Variants in NPAT observed in about 807,000 individuals in gnomAD.
NPAT encodes the protein nuclear protein, coactivator of histone transcription, also known as protein NPAT.
Under a neutral mutation model 130.7 loss-of-function variants are expected in NPAT, and 52 were observed. The observed-to-expected ratio is 0.40, with a 90% CI of 0.32 to 0.50. NPAT has a LOEUF of 0.50. Among genes scored for constraint, NPAT ranks in the 20% least tolerant of loss-of-function variants. NPAT has a pLI of 0.68. For synonymous variants in NPAT, 580 were observed against 584.8 expected (o/e 0.99, Z 0.12); for missense variants, 1,687 against 1,662.6 (o/e 1.01, Z -0.26).
At chr11:108,196,777 T>C (rs552675666) in intron 2 of NPAT, among the ~76,000 whole-genome samples, 3 of 152,362 alleles carry the variant, frequency 2.0e-5, no homozygotes, top group South Asian at 2.1e-4. Context: ...TGCTTAACTT[T>C]AGTTTTGCAT....
At position 108,192,103 on chromosome 11, in the gene NPAT, C is replaced by CTA. The variant is rs1290322157; in HGVS notation, c.290+13_290+14dup. On this transcript the variant is annotated intron_variant, in intron 4 of 17. Transcript: ENST00000278612. ...GCATTCCAAAATCATTAGGCACATT[C>CTA]TAATAGCTTATTACCTGATCTGAGA... 3.2e-6 allele frequency: 5 copies of CTA among 1,547,354 alleles called. No individual in the cohort carries two copies. The highest frequency in any genetic ancestry group is 4.5e-6 in the Non-Finnish European group (5 of 1,119,238).
chr11:108,160,043 CAG>C (rs1185329981), intron 17 of NPAT, among the ~76,000 whole-genome samples: 1 of 151,232 alleles, frequency 6.6e-6, no homozygotes, highest in Non-Finnish European at 1.5e-5. Context: ...CCCAGCTACT[CAG>C]GGGGCTGAGG....
chr11:108,202,476 C>T (rs2078283604), intron 1 of NPAT, among the ~76,000 whole-genome samples: 1 of 151,552 alleles, frequency 6.6e-6, no homozygotes, highest in African/African-American at 2.4e-5. Context: ...CACCTTTCAG[C>T]CCTCGGGATG....
At position 108,186,482 on chromosome 11, in the gene NPAT, T is replaced by G. The variant is rs1237838062; in HGVS notation, c.726A>C (p.Lys242Asn). The G allele has an allele frequency of 1.2e-6, 2 of 1,613,442 alleles. No homozygotes were observed. ...TGCAAAGTTTGGCAGAGTCACTTAC[T>G]TTTTCTACTGCAAAAGCGTTTGGAT... ...FQDPNAFAVEKQMVIENAREK... is the reference protein window; with the variant it reads ...FQDPNAFAVENQMVIENAREK... The change falls in exon 8 of 18, where the codon AAA becomes AAC. Residue 242 changes from lysine (K) to asparagine (N), a missense_variant and splice_region_variant. This residue lies in a region of NPAT where 307 missense variants were observed against 298.9 expected (regional missense o/e 1.03). Coordinates refer to ENST00000278612, the MANE Select transcript of NPAT (RefSeq NM_002519.3).
chr11:108,208,556 C>T (rs1203157890), intron 1 of NPAT: 5 of 418,266 alleles, frequency 1.2e-5, no homozygotes, highest in South Asian at 3.3e-5. Flanking sequence ...CCACTGCACT[C>T]GAGCCTGGGC....
At chr11:108,190,310 CTCA>C (rs1260146021) in intron 5 of NPAT, 147 bp downstream of exon 5, 1 of 481,528 alleles carries the variant, frequency 2.1e-6, no homozygotes, top group African/African-American at 5.5e-5. Context: ...GAGACACTGT[CTCA>C]AAAAAAAAAA....
intron 15 of NPAT, among the ~76,000 whole-genome samples, chr11:108,163,126 C>G (rs2077868744): frequency 6.6e-6 from 1 of 151,958 alleles, no homozygotes; most frequent in African/African-American, 2.4e-5. Flanking sequence ...ATTGCCCAGG[C>G]TGGAGTGCAA....
At chr11:108,193,882 G>T in intron 3 of NPAT, 75 bp downstream of exon 3, 1 of 930,562 alleles carries the variant, frequency 1.1e-6, no homozygotes, top group Non-Finnish European at 1.7e-6. Context: ...ATAACCTTTA[G>T]AAATCATTTT....
At chr11:108,188,598 G>T (rs1019684914) in intron 6 of NPAT, among the ~76,000 whole-genome samples, 6 of 152,178 alleles carry the variant, frequency 3.9e-5, no homozygotes, top group Non-Finnish European at 8.8e-5. Flanking sequence ...TTATTAACTA[G>T]CTTCTTATCC....
Position 108,160,890 on chromosome 11 carries a change from T to A in NPAT, c.4196A>T (p.Lys1399Met). 1 of 1,613,362 alleles carries A rather than the reference T, an allele frequency of 6.2e-7. No individual in the cohort carries two copies. The highest frequency in any genetic ancestry group is 8.5e-7 in the Non-Finnish European group (1 of 1,179,718). ...AACTTTCAAACTTGCCTTAATTTTCTTCTTTTTCATTGGTATTGATGAATT... is the reference window on the plus strand; with the variant it reads ...AACTTTCAAACTTGCCTTAATTTTCATCTTTTTCATTGGTATTGATGAATT... ...LTNSSIPMKKKKIKKKKLPSS... is the reference protein window; with the variant it reads ...LTNSSIPMKKMKIKKKKLPSS... Residue 1399 changes from lysine to methionine, a missense_variant, in exon 17 of 18, where the codon AAG becomes ATG. By Grantham distance (95) the Lys-to-Met change is moderately conservative. Coordinates refer to ENST00000278612, the MANE Select transcript of NPAT (RefSeq NM_002519.3).
intron 1 of NPAT, among the ~76,000 whole-genome samples, chr11:108,208,902 G>T (rs958050711): frequency 4.6e-5 from 7 of 152,274 alleles, no homozygotes; most frequent in African/African-American, 1.4e-4. Context: ...CCATATATTA[G>T]GACATGAAAT....
intron 1 of NPAT, among the ~76,000 whole-genome samples, chr11:108,200,084 T>C (rs776366240): frequency 4.6e-5 from 7 of 152,234 alleles, no homozygotes; most frequent in Non-Finnish European, 8.8e-5. Flanking sequence ...TTTCCCCTGT[T>C]GAAGGAATCC....
At chr11:108,189,900 C>T (rs939058930) in intron 5 of NPAT, among the ~76,000 whole-genome samples, 2 of 150,620 alleles carry the variant, frequency 1.3e-5, no homozygotes, top group Non-Finnish European at 3.0e-5. Context: ...AACAAGAAAC[C>T]TGAACTTATG....
In NPAT at chr11:108,161,006, T is replaced by A; in HGVS notation, c.4080A>T (p.Arg1360Ser). ...TPLKDNTQQF[R>S]ASSRSTTKKR... ...TTTTTGTGGTGCTCCTTGAAGATGCTCTAAACTGTTGTGTGTTATCTTTCA... is the reference window on the plus strand; with the variant it reads ...TTTTTGTGGTGCTCCTTGAAGATGCACTAAACTGTTGTGTGTTATCTTTCA... Residue 1360 changes from arginine to serine, a missense_variant, in exon 17 of 18, where the codon AGA (arginine) becomes AGT (serine). Coordinates refer to ENST00000278612, the MANE Select transcript of NPAT (RefSeq NM_002519.3). The A allele has an allele frequency of 6.2e-7, 1 of 1,614,216 alleles. No homozygotes were observed. Among genetic ancestry groups the A allele is most frequent in the Non-Finnish European group, 8.5e-7 (1 of 1,180,026 alleles).
intron 5 of NPAT, among the ~76,000 whole-genome samples, chr11:108,189,583 G>C (rs988780066): frequency 3.3e-5 from 5 of 152,314 alleles, no homozygotes; most frequent in Admixed American, 2.6e-4. Context: ...TAAGAAACCT[G>C]AACTTGGCCG....
intron 10 of NPAT, among the ~76,000 whole-genome samples, chr11:108,184,958 T>C (rs75198414): frequency 0.019 from 2,961 of 152,326 alleles, 93 homozygotes; most frequent in African/African-American, 0.067. Flanking sequence ...ATATACCCAC[T>C]AATAAATGTT....
intron 1 of NPAT, among the ~76,000 whole-genome samples, chr11:108,218,897 T>G (rs1164880724): frequency 6.6e-6 from 1 of 152,196 alleles, no homozygotes; most frequent in African/African-American, 2.4e-5. Context: ...CAGCAATGAG[T>G]ACATATATTA....
At chr11:108,190,312 CAAAAAAAAAAA>C (rs71047681) in intron 5 of NPAT, 137 bp downstream of exon 5, 4 of 342,720 alleles carry the variant, frequency 1.2e-5, no homozygotes, top group East Asian at 1.2e-4. Context: ...GACACTGTCT[CAAAAAAAAAAA>C]AAAAAAAAAA....
chr11:108,191,029 C>T (rs1172163614), intron 4 of NPAT, among the ~76,000 whole-genome samples: 1 of 152,144 alleles, frequency 6.6e-6, no homozygotes, highest in Non-Finnish European at 1.5e-5. Flanking sequence ...GATCACACCA[C>T]CGCATTCCAG....
Sources: gnomAD v4.1 joint callset for allele counts (sites outside exome capture counted in the v4.1 genomes callset) on GRCh38, gnomAD v4.1.1 for gene constraint, gnomAD v4.1.1 regional missense constraint, MANE v1.5 for transcripts, NCBI Gene and HGNC (gene_info 2026-07-23, HGNC 2026-07-21) for gene names.